The following KCNG3 variants were observed in gnomAD, a reference collection of about 807,000 sequenced individuals.
KCNG3 encodes potassium voltage-gated channel modifier subfamily G member 3.
A neutral mutation model predicts 29.0 loss-of-function variants in KCNG3; 15 were observed. The ratio of observed to expected loss-of-function variants is 0.52; its 90% CI spans 0.35 to 0.80. The LOEUF is 0.80. Ranked by LOEUF, KCNG3 falls within the 30% of genes least tolerant of loss-of-function variation. The pLI is 0.01. For missense variants in KCNG3, 512 were observed against 605.7 expected, an observed-to-expected ratio of 0.85 and a Z score of 1.62; for synonymous variants, 322 against 248.9, an observed-to-expected ratio of 1.29 and a Z score of -2.76.
At chr2:42,414,133 GT>G in the KCNG3 span, among the ~76,000 whole-genome samples, 3 of 152,066 alleles carry the variant, frequency 2.0e-5, no homozygotes, top group Non-Finnish European at 4.4e-5. Context: ...TTTATTTAAA[GT>G]TTGTCAACAT....
intron 1 of KCNG3, among the ~76,000 whole-genome samples, chr2:42,464,314 G>T (rs1673090197): frequency 6.6e-6 from 1 of 152,124 alleles, no homozygotes; most frequent in African/African-American, 2.4e-5. Context: ...TGATCCACCT[G>T]CCTTGGCCTC....
At chr2:42,429,222 T>C in the KCNG3 span, among the ~76,000 whole-genome samples, 2 of 151,292 alleles carry the variant, frequency 1.3e-5, no homozygotes, top group Non-Finnish European at 2.9e-5. Context: ...GTCCTAACAG[T>C]TGGGGAAAGA....
At chr2:42,485,267 A>G (rs760136333) in intron 1 of KCNG3, among the ~76,000 whole-genome samples, 36 of 152,228 alleles carry the variant, frequency 2.4e-4, no homozygotes, top group Non-Finnish European at 2.4e-4. Context: ...TAAAGAGCAG[A>G]TCAAAATTAT....
At chr2:42,418,323 A>C in the KCNG3 span, among the ~76,000 whole-genome samples, 6 of 152,146 alleles carry the variant, frequency 3.9e-5, no homozygotes. Flanking sequence ...TATAGACCAC[A>C]TTTTGTTTAT....
chr2:42,463,865 C>A (rs777550798), intron 1 of KCNG3: 1 of 276,850 alleles, frequency 3.6e-6, no homozygotes, highest in Non-Finnish European at 7.3e-6. Flanking sequence ...GTTGGCTGAG[C>A]CTAGTTTGTA....
chr2:42,484,653 T>C (rs1271114421), intron 1 of KCNG3, among the ~76,000 whole-genome samples: 1 of 152,196 alleles, frequency 6.6e-6, no homozygotes, highest in Non-Finnish European at 1.5e-5. Flanking sequence ...ATAGGGCAAG[T>C]TAACTTTTCA....
the KCNG3 span, among the ~76,000 whole-genome samples, chr2:42,392,747 T>C: frequency 6.6e-6 from 1 of 151,872 alleles, no homozygotes; most frequent in African/African-American, 2.4e-5. Context: ...ATGAGGGTCC[T>C]GGCATCTCAT....
chr2:42,425,921 C>A, the KCNG3 span, among the ~76,000 whole-genome samples: 1 of 152,180 alleles, frequency 6.6e-6, no homozygotes, highest in Non-Finnish European at 1.5e-5. Flanking sequence ...AACTACTGTA[C>A]ACAAATTGCT....
At chr2:42,485,387 G>T (rs1255487489) in intron 1 of KCNG3, among the ~76,000 whole-genome samples, 1 of 151,908 alleles carries the variant, frequency 6.6e-6, no homozygotes, top group Non-Finnish European at 1.5e-5. Context: ...AACAAAAGGG[G>T]ACACTACTTT....
At chr2:42,430,559 TG>T in the KCNG3 span, among the ~76,000 whole-genome samples, 1 of 152,008 alleles carries the variant, frequency 6.6e-6, no homozygotes, top group African/African-American at 2.4e-5. Flanking sequence ...GAGACCAGCC[TG>T]GGCAACATAG....
intron 1 of KCNG3, among the ~76,000 whole-genome samples, chr2:42,454,520 T>C (rs1476282455): frequency 6.6e-6 from 1 of 152,128 alleles, no homozygotes; most frequent in Non-Finnish European, 1.5e-5. Flanking sequence ...AAGACCAGCC[T>C]GGCCAACATG....
intron 1 of KCNG3, among the ~76,000 whole-genome samples, chr2:42,452,414 A>G (rs1425896731): frequency 6.6e-6 from 1 of 151,566 alleles, no homozygotes; most frequent in African/African-American, 2.4e-5. Flanking sequence ...AGATTAAATT[A>G]TTTTTTTACT....
chr2:42,441,790 ATAGG>A (rs199950980), downstream of KCNG3, among the ~76,000 whole-genome samples: 2 of 149,246 alleles, frequency 1.3e-5, no homozygotes, highest in African/African-American at 4.9e-5. Context: ...ATATATATAT[ATAGG>A]TGTGTGTGTA....
intron 1 of KCNG3, among the ~76,000 whole-genome samples, chr2:42,479,156 G>C (rs1324384643): frequency 2.0e-5 from 3 of 151,978 alleles, no homozygotes; most frequent in Admixed American, 2.0e-4. Context: ...TCCCAGTTTT[G>C]ATCACACATT....
the KCNG3 span, among the ~76,000 whole-genome samples, chr2:42,395,272 AAAGTTGAGTGATAAG>A: frequency 6.6e-6 from 1 of 152,204 alleles, no homozygotes; most frequent in African/African-American, 2.4e-5. Flanking sequence ...CAGTTCCAAG[AAAGTTGAGTGATAAG>A]CCAGCAGGTG....
At chr2:42,477,388 T>TATACACAC (rs1287875177) in intron 1 of KCNG3, among the ~76,000 whole-genome samples, 150 of 104,764 alleles carry the variant, frequency 1.4e-3, no homozygotes, top group African/African-American at 5.7e-3. Context: ...CACATATATA[T>TATACACAC]ACACACACAC....
chr2:42,408,211 G>A, the KCNG3 span, among the ~76,000 whole-genome samples: 1 of 152,164 alleles, frequency 6.6e-6, no homozygotes, highest in Non-Finnish European at 1.5e-5. Flanking sequence ...ATGAACAGCA[G>A]CGGGAGGCAA....
the KCNG3 span, among the ~76,000 whole-genome samples, chr2:42,412,433 G>C: frequency 6.6e-6 from 1 of 152,086 alleles, no homozygotes; most frequent in African/African-American, 2.4e-5. Flanking sequence ...ATAGTACTAG[G>C]TTCACCTTCT....
chr2:42,398,776 C>A, the KCNG3 span, among the ~76,000 whole-genome samples: 1 of 152,266 alleles, frequency 6.6e-6, no homozygotes, highest in South Asian at 2.1e-4. Context: ...AGAGGACAGA[C>A]CTTCACAAAT....
Sources: allele counts gnomAD v4.1 joint callset (sites outside exome capture counted in the v4.1 genomes callset), GRCh38; gene constraint gnomAD v4.1.1; transcripts MANE v1.5; gene names NCBI Gene and HGNC (gene_info 2026-07-23, HGNC 2026-07-21).